Variants in DISP3 observed in about 807,000 individuals in gnomAD.
The protein encoded by DISP3 is dispatched RND transporter family member 3, also known as protein dispatched homolog 3.
Under a neutral mutation model 135.3 loss-of-function variants are expected in DISP3, and 101 were observed. The observed-to-expected ratio is 0.75, with a 90% CI of 0.64 to 0.88. The LOEUF (loss-of-function observed/expected upper bound fraction) is 0.88, where lower values mean the gene tolerates loss of function less well. Ranked by LOEUF, DISP3 falls within the 40% of genes least tolerant of loss-of-function variation. The pLI is 0.00. For missense variants in DISP3, 1,713 were observed against 1,878.6 expected, an observed-to-expected ratio of 0.91 and a Z score of 1.63; for synonymous variants, 856 against 817.0, an observed-to-expected ratio of 1.05 and a Z score of -0.81.
At chr1:11,509,001 G>A (rs550488136) in intron 3 of DISP3, among the ~76,000 whole-genome samples, 9 of 152,098 alleles carry the variant, frequency 5.9e-5, no homozygotes, top group Non-Finnish European at 1.2e-4. Context: ...TAAGGCCATC[G>A]ATTTGAAACT....
Position 11,534,739 on chromosome 1 carries a change from C to T in DISP3, c.3535+199C>T. ...TGTCGGGGGCATCTGGCCACGTTCT[C>T]TGATCTGGACTTTGGCCACCTAAAA... On this transcript the variant is annotated intron_variant, in intron 18 of 20. Transcript: ENST00000294484. 15 of 793,376 alleles carry T rather than the reference C, an allele frequency of 1.9e-5. 1 individual carries two copies. In the South Asian group the frequency reaches 2.6e-4, roughly 14 times the overall value. The allele number at this position is 793,376 out of a possible 1,614,324, so 49.1% of individuals were successfully genotyped here. A position where few individuals can be genotyped will look rare whatever the true frequency, so the allele number is the denominator to read the frequency against.
At position 11,501,947 on chromosome 1, in the gene DISP3, C is replaced by T. The variant is rs1273612338; in HGVS notation, c.955C>T (p.His319Tyr). The stretch of plus-strand genomic sequence containing the variant: ...CTTCCGGGAGTTCTGCTGGAAGCCC[C>T]ACGAGGTGCTCAAGGATCTGCCGCT... The part of the protein sequence containing the change: ...PGFREFCWKP[H>Y]EVLKDLPLGS... The change falls in exon 2 of 21, where the codon CAC (histidine) becomes TAC (tyrosine). Residue 319 changes from histidine to tyrosine, a missense_variant. Coordinates refer to ENST00000294484, the MANE Select transcript of DISP3 (RefSeq NM_020780.2). This position sits in a 1 kb window ranked among gnomAD's most constrained non-coding sequence, Gnocchi z 4.9. The T allele has an allele frequency of 6.2e-7, 1 of 1,613,876 alleles. No individual in the cohort carries two copies.
chr1:11,527,122 A>G (rs1642443661), intron 13 of DISP3, among the ~76,000 whole-genome samples: 1 of 152,012 alleles, frequency 6.6e-6, no homozygotes, highest in African/African-American at 2.4e-5. Flanking sequence ...TTTAGTAGAG[A>G]TGGGGTTTTG....
At chr1:11,508,876 T>C (rs926475140) in intron 3 of DISP3, among the ~76,000 whole-genome samples, 3 of 152,222 alleles carry the variant, frequency 2.0e-5, no homozygotes, top group African/African-American at 7.2e-5. Flanking sequence ...AATGATTTTC[T>C]CCATTGCTTT....
At position 11,536,308 on chromosome 1, in the gene DISP3, C is replaced by A. The variant is rs778508240; in HGVS notation, c.3817-16C>A. The A allele has an allele frequency of 1.1e-5, 17 of 1,589,914 alleles. No homozygotes were observed. In the South Asian group the frequency reaches 1.3e-4, roughly 12 times the overall value. ...CCGCAGGCAGGCTGGGCTCCCAGCT[C>A]TCCTCTTGCCCCCAGGACGCCCGAA... is the stretch of plus-strand genomic sequence containing the variant. On this transcript the variant is annotated splice_polypyrimidine_tract_variant and intron_variant, in intron 20 of 20. Coordinates refer to ENST00000294484, the MANE Select transcript of DISP3 (RefSeq NM_020780.2). This position sits in a 1 kb window ranked among gnomAD's most constrained non-coding sequence, Gnocchi z 4.3.
intron 1 of DISP3, among the ~76,000 whole-genome samples, chr1:11,485,223 C>T (rs1405173197): frequency 6.6e-6 from 1 of 152,100 alleles, no homozygotes; most frequent in Non-Finnish European, 1.5e-5. Flanking sequence ...GCTGAGACGG[C>T]ATGATCCAGT....
intron 2 of DISP3, 107 bp from the exon 3 acceptor site, chr1:11,502,570 AG>A (rs1157443377): frequency 2.3e-6 from 2 of 859,548 alleles, no homozygotes; most frequent in African/African-American, 3.4e-5. Context: ...GGATATGGAC[AG>A]GGGGAATCCT....
chr1:11,532,471 G>GTGAT (rs1642600683), intron 17 of DISP3, among the ~76,000 whole-genome samples: 1 of 152,126 alleles, frequency 6.6e-6, no homozygotes, highest in Non-Finnish European at 1.5e-5. Context: ...AACTGGGGAG[G>GTGAT]TGATTCTCCT....
rs1213133714 is a variant in DISP3 at position 11,502,801 on chromosome 1, A to G, written c.1220A>G (p.Asn407Ser). 6.2e-7 allele frequency: 1 copy of G among 1,614,092 alleles called. No individual in the cohort carries two copies. Among genetic ancestry groups the G allele is most frequent in the African/African-American group, 1.3e-5 (1 of 74,940 alleles). ...ATCCTGTTTGGAGCACCCCTGCCCA[A>G]CTACTACTCAGTAGATGACCGCTGG... ...SEILFGAPLP[N>S]YYSVDDRWEE... is the part of the protein sequence containing the mutation. Residue 407 changes from asparagine (N) to serine (S), a missense_variant, in exon 3 of 21, where the codon AAC becomes AGC. Around this residue, in one of 2 missense-constraint regions of DISP3, gnomAD observed 1,142 missense variants for 1,384.6 expected, o/e 0.82. Transcript: ENST00000294484.
rs772494763 is a variant in DISP3 at position 11,501,594 on chromosome 1, G to T, written c.602G>T (p.Gly201Val). The change falls in exon 2 of 21, where the codon GGG becomes GTG. Residue 201 changes from glycine to valine, a missense_variant. Gly to Val is a moderately radical substitution (Grantham distance 109). This residue lies in a region of DISP3 where 571 missense variants were observed against 494.1 expected (regional missense o/e 1.16). Transcript: ENST00000294484. The surrounding 1 kb of genome is among the most constrained non-coding windows in gnomAD (Gnocchi z 4.9). ...AAQKPTANRS[G>V]RLRRETPPLE... ...CAAAAGCCCACAGCCAATCGGAGCG[G>T]GCGACTTCGGCGTGAGACCCCGCCC... 6.3e-7 allele frequency: 1 copy of T among 1,599,524 alleles called. No homozygotes were observed. The highest frequency in any genetic ancestry group is 2.2e-5 in the East Asian group (1 of 44,608).
intron 18 of DISP3, 54 bp downstream of exon 18, chr1:11,534,594 G>T: frequency 6.4e-7 from 1 of 1,554,880 alleles, no homozygotes; most frequent in African/African-American, 1.4e-5. Context: ...AGAGGGACCT[G>T]GGGCCGGGAG....
At chr1:11,508,473 C>T (rs1425935597) in intron 3 of DISP3, among the ~76,000 whole-genome samples, 1 of 151,342 alleles carries the variant, frequency 6.6e-6, no homozygotes, top group Non-Finnish European at 1.5e-5. Flanking sequence ...TATAATATTT[C>T]CCTATTATCT....
chr1:11,505,902 G>T (rs1429573596), intron 3 of DISP3, among the ~76,000 whole-genome samples: 1 of 151,996 alleles, frequency 6.6e-6, no homozygotes, highest in East Asian at 1.9e-4. Context: ...CATTTTCCTT[G>T]TGTCTAAAGA....
At chr1:11,485,018 G>C (rs984858453) in intron 1 of DISP3, among the ~76,000 whole-genome samples, 1 of 152,068 alleles carries the variant, frequency 6.6e-6, no homozygotes, top group Non-Finnish European at 1.5e-5. Flanking sequence ...GCCATTGAAA[G>C]TAATGGCAAA....
chr1:11,485,557 G>A (rs540073714), intron 1 of DISP3, among the ~76,000 whole-genome samples: 197 of 152,258 alleles, frequency 1.3e-3, no homozygotes, highest in African/African-American at 4.6e-3. Flanking sequence ...GGTGTTCCTG[G>A]GAGGTTTGGG....
At chr1:11,486,093 CTT>C (rs1003821713) in intron 1 of DISP3, among the ~76,000 whole-genome samples, 4 of 152,172 alleles carry the variant, frequency 2.6e-5, no homozygotes, top group Admixed American at 1.3e-4. Context: ...GAACAGATCA[CTT>C]TTTGAATGTC....
chr1:11,522,904 GCCCAGCCAGGA>G (rs1557615716), intron 10 of DISP3, among the ~76,000 whole-genome samples: 1 of 24,008 alleles, frequency 4.2e-5, no homozygotes, highest in Non-Finnish European at 8.8e-5. Flanking sequence ...CCCAGCCAGA[GCCCAGCCAGGA>G]CCCAGCAAGG....
Position 11,533,329 on chromosome 1 carries a change from C to G in DISP3, c.3376-1052C>G, listed in dbSNP as rs141273450. 7.3e-3 allele frequency among the ~76,000 whole-genome samples: 1,095 copies of G among 150,438 alleles called. 11 individuals carry two copies. The highest frequency in any genetic ancestry group is 0.024 in the African/African-American group (986 of 40,794). On this transcript the variant is annotated intron_variant, in intron 17 of 20. Coordinates refer to ENST00000294484, the MANE Select transcript of DISP3 (RefSeq NM_020780.2). Reference sequence around the variant, plus strand: ...GGAGTGCAGTTGCGCAATCTTGGCTCCCTGCAACCTCCGCCTCCCAGGTTC... The same window carrying G: ...GGAGTGCAGTTGCGCAATCTTGGCTGCCTGCAACCTCCGCCTCCCAGGTTC...
rs533101995 is a variant in DISP3, at chr1:11,535,882, G to A, written c.3816+238G>A. On this transcript the variant is annotated intron_variant, in intron 20 of 20. Coordinates refer to ENST00000294484, the MANE Select transcript of DISP3 (RefSeq NM_020780.2). ...TGAACAATGAGAGGGTTGGACAGACGCAGGATTCCAAGGGGGCCCTCCTGC... is the reference window on the plus strand; with the variant it reads ...TGAACAATGAGAGGGTTGGACAGACACAGGATTCCAAGGGGGCCCTCCTGC... 7.2e-5 allele frequency among the ~76,000 whole-genome samples: 11 copies of A among 152,220 alleles called. No individual in the cohort carries two copies. The South Asian group carries it at 1.4e-3, about 20-fold the overall frequency.
Sources: allele counts gnomAD v4.1 joint callset (sites outside exome capture counted in the v4.1 genomes callset), GRCh38; gene constraint gnomAD v4.1.1; regional missense constraint gnomAD v4.1.1; non-coding constraint Gnocchi (gnomAD v3.1); transcripts MANE v1.5; gene names NCBI Gene and HGNC (gene_info 2026-07-23, HGNC 2026-07-21).